Variants in CDKN3 observed in about 807,000 individuals in gnomAD.
CDKN3 encodes the protein cyclin dependent kinase inhibitor 3, also known as cyclin-dependent kinase inhibitor 3.
CDKN3 carries 19 observed loss-of-function variants against 36.1 expected under a neutral mutation model. The ratio of observed to expected loss-of-function variants is 0.53; its 90% confidence interval spans 0.37 to 0.77. CDKN3 has a LOEUF of 0.77. Ranked by LOEUF, CDKN3 falls within the 30% of genes least tolerant of loss-of-function variation. CDKN3 has a pLI of 0.00. For missense variants in CDKN3, 188 were observed against 248.6 expected, an observed-to-expected ratio of 0.76 and a Z score of 1.64; for synonymous variants, 71 against 85.3, an observed-to-expected ratio of 0.83 and a Z score of 0.92.
intron 4 of CDKN3, 127 bp from the exon 5 acceptor site, chr14:54,411,357 A>T (rs900763761): frequency 7.3e-6 from 5 of 686,452 alleles, no homozygotes; most frequent in African/African-American, 7.2e-5. Context: ...GGCACTTCAG[A>T]TTTATAGATT....
intron 5 of CDKN3, among the ~76,000 whole-genome samples, chr14:54,414,638 C>T (rs780220211): frequency 9.4e-5 from 14 of 149,260 alleles, no homozygotes; most frequent in Non-Finnish European, 1.5e-4. Flanking sequence ...CTTGAACTGC[C>T]GGGCTCAAGC....
chr14:54,412,392 A>AAAG (rs56665218), intron 5 of CDKN3, among the ~76,000 whole-genome samples: 104,377 of 150,804 alleles, frequency 0.69, 36,081 homozygotes, highest in Non-Finnish European at 0.72. Context: ...AGAAAAAAAA[A>AAAG]AATAAAGAAA....
chr14:54,419,478 T>A (rs1487554542), intron 7 of CDKN3, among the ~76,000 whole-genome samples: 1 of 152,264 alleles, frequency 6.6e-6, no homozygotes, highest in African/African-American at 2.4e-5. Flanking sequence ...TTATTTTGCT[T>A]ATCTGCTGAG....
At position 54,414,780 on chromosome 14, in the gene CDKN3, C is replaced by T. The variant is rs548960090; in HGVS notation, c.417-1119C>T. Among the ~76,000 whole-genome samples the T allele has an allele frequency of 1.2e-3, 176 of 146,292 alleles. 1 individual carries two copies. The highest frequency in any genetic ancestry group is 4.4e-3 in the African/African-American group (173 of 39,092). On this transcript the variant is annotated intron_variant, in intron 5 of 7. Transcript: ENST00000335183. ...CCAAAGCTGGTCTTAAACTACTGGA[C>T]TCAAGCAGTCCTCCCACCTTGGCCT...
At chr14:54,416,074 T>C in intron 6 of CDKN3, 144 bp downstream of exon 6, 1 of 652,704 alleles carries the variant, frequency 1.5e-6, no homozygotes, top group South Asian at 1.9e-5. Context: ...GCCCTAAACA[T>C]GGTGTTCCCT....
At chr14:54,411,835 T>C (rs1415259537) in intron 5 of CDKN3, 129 bp downstream of exon 5, 1 of 721,858 alleles carries the variant, frequency 1.4e-6, no homozygotes. Context: ...AATAATGCAC[T>C]AGGAAAGCAC....
At chr14:54,403,984 T>C (rs1196120863) in intron 3 of CDKN3, among the ~76,000 whole-genome samples, 1 of 152,232 alleles carries the variant, frequency 6.6e-6, no homozygotes, top group Non-Finnish European at 1.5e-5. Context: ...TCAAGGATAT[T>C]GACCTGAAAT....
chr14:54,399,828 G>T, intron 1 of CDKN3, 66 bp from the exon 2 acceptor site: 1 of 799,272 alleles, frequency 1.3e-6, no homozygotes. Flanking sequence ...GTTTAGACAA[G>T]GATTAGCTAT....
chr14:54,417,219 A>G lies in CDKN3; in HGVS notation c.449-629A>G, dbSNP rs2030580976. On this transcript the variant is annotated intron_variant, in intron 6 of 7. Coordinates refer to ENST00000335183, the MANE Select transcript of CDKN3 (RefSeq NM_005192.4). ...TATACAAATGTTTATAGCAGCATTA[A>G]TCATAATAGCCAAAAAATGGAAACA... is the stretch of plus-strand genomic sequence containing the variant. Among the ~76,000 whole-genome samples, 3 of 152,354 alleles carry G rather than the reference A, an allele frequency of 2.0e-5. No individual in the cohort carries two copies. In the South Asian group the frequency reaches 6.2e-4, roughly 32 times the overall value.
At chr14:54,407,294 G>A (rs969802054) in intron 3 of CDKN3, among the ~76,000 whole-genome samples, 45 of 152,336 alleles carry the variant, frequency 3.0e-4, no homozygotes, top group African/African-American at 9.9e-4. Context: ...CCTGCTGGGA[G>A]GTGTCTCCCC....
At position 54,397,045 on chromosome 14, in the gene CDKN3, G is replaced by C. The variant is rs1308261816; in HGVS notation, c.-24G>C. ...CGGCGCTGCAGAGGGAGGCGGCACT[G>C]GTCTCGACGTGGGGCGGCCAGCGAT... is the stretch of plus-strand genomic sequence containing the variant. On this transcript the variant is annotated 5_prime_UTR_variant, in exon 1 of 8. Coordinates refer to ENST00000335183, the MANE Select transcript of CDKN3 (RefSeq NM_005192.4). 1.3e-6 allele frequency: 2 copies of C among 1,495,956 alleles called. No homozygotes were observed. The highest frequency in any genetic ancestry group is 2.6e-5 in the South Asian group (2 of 78,354). 92.7% of individuals were successfully genotyped at this position (1,495,956 alleles called of 1,614,324 possible). A position where few individuals can be genotyped will look rare whatever the true frequency, so the allele number is the denominator to read the frequency against.
At chr14:54,411,197 A>AAAT in intron 4 of CDKN3, 1 of 291,638 alleles carries the variant, frequency 3.4e-6, no homozygotes, top group Non-Finnish European at 6.3e-6. Context: ...AAAAAAAAAA[A>AAAT]GAGGGGGGGT....
At chr14:54,406,851 A>G (rs4901514) in intron 3 of CDKN3, among the ~76,000 whole-genome samples, 58,520 of 151,874 alleles carry the variant, frequency 0.39, 13,077 homozygotes, top group Non-Finnish European at 0.5. Flanking sequence ...TCAGTTCATC[A>G]AACTCATTCT....
intron 6 of CDKN3, among the ~76,000 whole-genome samples, chr14:54,417,326 G>A (rs1483657502): frequency 1.3e-5 from 2 of 152,162 alleles, no homozygotes; most frequent in African/African-American, 4.8e-5. Context: ...TCATAAAAAG[G>A]AATTAAATAC....
chr14:54,407,463 G>A (rs2030200405), intron 3 of CDKN3, among the ~76,000 whole-genome samples: 1 of 152,182 alleles, frequency 6.6e-6, no homozygotes. Flanking sequence ...CTTCCGCCAG[G>A]TGCTCTCTCC....
intron 2 of CDKN3, among the ~76,000 whole-genome samples, 173 bp from the exon 3 acceptor site, chr14:54,401,350 GT>G: frequency 6.6e-6 from 1 of 151,026 alleles, no homozygotes; most frequent in South Asian, 2.1e-4. Flanking sequence ...GTCTTTCTAT[GT>G]TTTTTTTTGT....
chr14:54,411,681 A>G lies in CDKN3; in HGVS notation c.391A>G (p.Lys131Glu). Residue 131 changes from lysine to glutamate, a missense_variant, in exon 5 of 8, where the codon AAA becomes GAA. Coordinates refer to ENST00000335183, the MANE Select transcript of CDKN3 (RefSeq NM_005192.4). ...EIMEELTTCL[K>E]NYRKTLIHCY... ...AATGGAAGAGCTTACAACCTGCCTT[A>G]AAAATTACCGAAAAACCTTAATACA... 1.2e-6 allele frequency: 2 copies of G among 1,612,430 alleles called. No individual in the cohort carries two copies. Among genetic ancestry groups the G allele is most frequent in the Non-Finnish European group, 1.7e-6 (2 of 1,178,622 alleles).
At chr14:54,403,641 G>C (rs1054350715) in intron 3 of CDKN3, among the ~76,000 whole-genome samples, 3 of 152,174 alleles carry the variant, frequency 2.0e-5, no homozygotes, top group South Asian at 2.1e-4. Context: ...AATGCTTCCA[G>C]CTTTTGCCCA....
Position 54,420,131 on chromosome 14 carries a change from A to G in CDKN3, c.*53A>G. On this transcript the variant is annotated 3_prime_UTR_variant, in exon 8 of 8. Transcript: ENST00000335183. ...ATGTCTGAAATGTCAGTTCTCTAGC[A>G]TAATTTGTATTGAAATGAAACCACC... The G allele has an allele frequency of 4.9e-6, 5 of 1,024,798 alleles. No individual in the cohort carries two copies. The highest frequency in any genetic ancestry group is 2.8e-5 in the South Asian group (2 of 70,562). The allele number at this position is 1,024,798 out of a possible 1,614,324, so 63.5% of individuals were successfully genotyped here. A position where few individuals can be genotyped will look rare whatever the true frequency, so the allele number is the denominator to read the frequency against.
Sources: gnomAD v4.1 joint callset for allele counts (sites outside exome capture counted in the v4.1 genomes callset) on GRCh38, gnomAD v4.1.1 for gene constraint, MANE v1.5 for transcripts, NCBI Gene and HGNC (gene_info 2026-07-23, HGNC 2026-07-21) for gene names.